KCNK10: variants seen among roughly 807,000 people sequenced by gnomAD.
The protein encoded by KCNK10 is potassium two pore domain channel subfamily K member 10, also known as potassium channel subfamily K member 10.
In KCNK10, 25 loss-of-function variants were observed where a neutral mutation model predicts 47.7. That is an observed-to-expected ratio of 0.52 (90% CI 0.38 to 0.73). KCNK10 has a LOEUF of 0.73. KCNK10 is among the 30% of genes least tolerant of loss of function. The probability of loss-of-function intolerance (pLI) is 0.00; values close to 1 mark genes in which losing one functional copy is unlikely to be tolerated. For missense variants in KCNK10, 563 were observed against 714.5 expected, an observed-to-expected ratio of 0.79 and a Z score of 2.42; for synonymous variants, 303 against 285.6, an observed-to-expected ratio of 1.06 and a Z score of -0.61.
At chr14:88,291,148 G>A (rs776862058) in intron 1 of KCNK10, among the ~76,000 whole-genome samples, 4 of 152,202 alleles carry the variant, frequency 2.6e-5, no homozygotes, top group Admixed American at 6.5e-5. Context: ...ACTCCTGGTC[G>A]TGGAAACCAC....
intron 2 of KCNK10, among the ~76,000 whole-genome samples, chr14:88,254,148 T>C (rs1162609374): frequency 6.6e-6 from 1 of 152,100 alleles, no homozygotes; most frequent in Non-Finnish European, 1.5e-5. Context: ...AGTGACCATT[T>C]TGCATTGGAG....
chr14:88,244,734 T>C (rs946937700), intron 2 of KCNK10, among the ~76,000 whole-genome samples: 9 of 152,034 alleles, frequency 5.9e-5, no homozygotes, highest in African/African-American at 2.2e-4. Context: ...CCCATTAGAA[T>C]GTATGAGCAC....
At chr14:88,310,463 G>A (rs1226217922) in intron 1 of KCNK10, among the ~76,000 whole-genome samples, 1 of 152,146 alleles carries the variant, frequency 6.6e-6, no homozygotes, top group East Asian at 1.9e-4. Flanking sequence ...AAGATTGTAG[G>A]CATCCTGATA....
intron 6 of KCNK10, among the ~76,000 whole-genome samples, chr14:88,187,430 C>T (rs573696778): frequency 1.1e-4 from 17 of 152,206 alleles, no homozygotes; most frequent in Admixed American, 7.2e-4. Flanking sequence ...GTTACATGCA[C>T]GGCCCTTCCT....
intron 4 of KCNK10, among the ~76,000 whole-genome samples, chr14:88,210,488 G>A (rs1885419561): frequency 6.6e-6 from 1 of 152,226 alleles, no homozygotes; most frequent in African/African-American, 2.4e-5. Flanking sequence ...ATGATTGGGT[G>A]AATAAAAGGA....
chr14:88,201,834 T>C (rs1325365630), intron 4 of KCNK10, among the ~76,000 whole-genome samples: 1 of 152,026 alleles, frequency 6.6e-6, no homozygotes, highest in African/African-American at 2.4e-5. Context: ...TTACCTTTCA[T>C]GAAGAGACTG....
chr14:88,313,631 G>A (rs1361438792), intron 1 of KCNK10, among the ~76,000 whole-genome samples: 3 of 152,132 alleles, frequency 2.0e-5, no homozygotes, highest in Admixed American at 2.0e-4. Context: ...CTTGGAAACA[G>A]ATCCTCCTGC....
chr14:88,235,584 AAAAAC>A (rs1886277697), intron 3 of KCNK10, among the ~76,000 whole-genome samples: 1 of 152,190 alleles, frequency 6.6e-6, no homozygotes, highest in Non-Finnish European at 1.5e-5. Context: ...TATTGATCAC[AAAAAC>A]AAAAAATAAA....
intron 4 of KCNK10, among the ~76,000 whole-genome samples, chr14:88,205,667 C>T (rs1028525926): frequency 2.6e-5 from 4 of 151,328 alleles, no homozygotes; most frequent in Non-Finnish European, 4.4e-5. Flanking sequence ...GCCTCAGCCT[C>T]CCGAGTAGCT....
intron 3 of KCNK10, among the ~76,000 whole-genome samples, chr14:88,233,611 C>T (rs1886213675): frequency 6.6e-6 from 1 of 152,194 alleles, no homozygotes; most frequent in African/African-American, 2.4e-5. Context: ...GAGCCATTTG[C>T]TCAAACTCAA....
intron 2 of KCNK10, among the ~76,000 whole-genome samples, chr14:88,253,823 A>G (rs1422014707): frequency 6.6e-6 from 1 of 152,178 alleles, no homozygotes; most frequent in African/African-American, 2.4e-5. Context: ...ACTTGAATCC[A>G]GGAGGCAGAG....
chr14:88,194,667 C>T (rs1025863346), intron 4 of KCNK10, among the ~76,000 whole-genome samples: 3 of 152,128 alleles, frequency 2.0e-5, no homozygotes, highest in African/African-American at 4.8e-5. Context: ...ATTTGTTTGA[C>T]GGCAGACAAG....
At chr14:88,299,609 C>T (rs1391785884) in intron 1 of KCNK10, among the ~76,000 whole-genome samples, 1 of 152,144 alleles carries the variant, frequency 6.6e-6, no homozygotes, top group Non-Finnish European at 1.5e-5. Flanking sequence ...AGGTAACACA[C>T]ATATGCAACA....
chr14:88,191,982 G>A (rs979289865), intron 5 of KCNK10, among the ~76,000 whole-genome samples: 10 of 152,128 alleles, frequency 6.6e-5, no homozygotes, highest in African/African-American at 2.4e-4. Flanking sequence ...TTTGTGTGAC[G>A]ATAAGGGAAA....
At chr14:88,274,965 C>A (rs1324056731) in intron 1 of KCNK10, among the ~76,000 whole-genome samples, 1 of 152,096 alleles carries the variant, frequency 6.6e-6, no homozygotes, top group Non-Finnish European at 1.5e-5. Context: ...CCCCTCTGAT[C>A]CAACCTTCCC....
chr14:88,268,254 G>T (rs1887319742), intron 1 of KCNK10, among the ~76,000 whole-genome samples: 1 of 152,160 alleles, frequency 6.6e-6, no homozygotes, highest in Non-Finnish European at 1.5e-5. Context: ...ATCCTGCCGT[G>T]GTATCCTTGC....
rs35778816 is a variant in KCNK10 at position 88,181,529 on chromosome 14, AT to A, written c.*4005del. The A allele has an allele frequency of 1, 152,252 of 152,254 alleles. 76,125 individuals carry two copies. Among genetic ancestry groups the A allele is most frequent in the Middle Eastern group, 1 (294 of 294 alleles). The allele number at this position is 152,254 out of a possible 1,614,324, so 9.4% of individuals were successfully genotyped here. ...TGACTGCAAATAACAACAGCTTAAA[AT>A]TTCTTTAACTAGTCTTAACACCATG... On this transcript the variant is annotated 3_prime_UTR_variant, in exon 7 of 7. Coordinates refer to ENST00000319231, the MANE Select transcript of KCNK10 (RefSeq NM_138317.3).
chr14:88,250,681 G>A (rs1351247188), intron 2 of KCNK10, among the ~76,000 whole-genome samples: 3 of 152,100 alleles, frequency 2.0e-5, no homozygotes, highest in Admixed American at 6.6e-5. Context: ...AAGCTTCGAC[G>A]GCTATAGATA....
chr14:88,323,416 C>A (rs1888595753), upstream of KCNK10, among the ~76,000 whole-genome samples: 1 of 148,126 alleles, frequency 6.8e-6, no homozygotes. Flanking sequence ...CAGCGCGCGG[C>A]GAGGGCGACC....
Sources: allele counts gnomAD v4.1 joint callset (sites outside exome capture counted in the v4.1 genomes callset), GRCh38; gene constraint gnomAD v4.1.1; transcripts MANE v1.5; gene names NCBI Gene and HGNC (gene_info 2026-07-23, HGNC 2026-07-21).